The following TMEM165 variants were observed in gnomAD, a reference collection of about 807,000 sequenced individuals.
TMEM165 encodes the protein transmembrane protein 165, also known as putative divalent cation/proton antiporter TMEM165.
In TMEM165, 19 loss-of-function variants were observed where a neutral mutation model predicts 30.0. That is an observed-to-expected ratio of 0.63 (90% CI 0.44 to 0.93). The LOEUF is 0.93. Among genes scored for constraint, TMEM165 ranks in the 40% least tolerant of loss-of-function variants. The pLI is 0.00. For synonymous variants in TMEM165, 168 were observed against 162.9 expected (o/e 1.03, Z -0.24); for missense variants, 340 against 417.0 (o/e 0.82, Z 1.61).
chr4:55,396,464 T>G, intron 1 of TMEM165, 68 bp downstream of exon 1: 1 of 1,278,352 alleles, frequency 7.8e-7, no homozygotes, highest in East Asian at 3.2e-5. Flanking sequence ...GCTCCAGGCC[T>G]TTGAAAGCGC....
At chr4:55,406,669 CTTTGT>C (rs1721280322) in intron 1 of TMEM165, among the ~76,000 whole-genome samples, 1 of 151,926 alleles carries the variant, frequency 6.6e-6, no homozygotes, top group African/African-American at 2.4e-5. Flanking sequence ...TTTTCTTTCT[CTTTGT>C]TTTGAGACAG....
chr4:55,404,045 C>CTTT (rs201972116), intron 1 of TMEM165, among the ~76,000 whole-genome samples: 4 of 121,940 alleles, frequency 3.3e-5, no homozygotes, highest in African/African-American at 1.1e-4. Flanking sequence ...TCTTTCTTTC[C>CTTT]TTTTTTTTTT....
chr4:55,449,311 C>T (rs1724219213), intron 3 of TMEM165: 1 of 1,236,190 alleles, frequency 8.1e-7, no homozygotes, highest in African/African-American at 1.5e-5. Context: ...AGAGGGGTGA[C>T]AAATAGATGA....
rs531981647 is a variant in TMEM165 at position 55,417,747 on chromosome 4, G to A, written c.610-56G>A. 8.9e-6 allele frequency: 12 copies of A among 1,350,588 alleles called. 1 individual carries two copies. The South Asian group carries it at 1.4e-4, about 16-fold the overall frequency. The allele number at this position is 1,350,588 out of a possible 1,614,324, so 83.7% of individuals were successfully genotyped here. A position where few individuals can be genotyped will look rare whatever the true frequency, so the allele number is the denominator to read the frequency against. On this transcript the variant is annotated intron_variant, in intron 3 of 5. Coordinates refer to ENST00000381334, the MANE Select transcript of TMEM165 (RefSeq NM_018475.5). ...CACTTAGAAAAGTCAAGTGATTTGT[G>A]TGCTATTTTGATTTGCTTCCTGTGC...
chr4:55,412,839 T>A (rs997647867), intron 2 of TMEM165: 2 of 152,124 alleles, frequency 1.3e-5, no homozygotes, highest in Non-Finnish European at 2.9e-5. Flanking sequence ...TCCTAGTAAA[T>A]CTCTTAAGTG....
intron 1 of TMEM165, among the ~76,000 whole-genome samples, chr4:55,397,913 T>TA (rs1219549754): frequency 7.0e-5 from 2 of 28,572 alleles, no homozygotes; most frequent in African/African-American, 6.3e-5. Flanking sequence ...TTTGTTTATT[T>TA]TTTTTTTTTT....
chr4:55,435,417 A>G, intron 3 of TMEM165: 1 of 1,613,878 alleles, frequency 6.2e-7, no homozygotes, highest in East Asian at 2.2e-5. Flanking sequence ...CACGTGTGCT[A>G]CTGTGGTTGA....
At chr4:55,424,450 A>ACCATTT in intron 4 of TMEM165, 88 bp from the exon 5 acceptor site, 1 of 772,930 alleles carries the variant, frequency 1.3e-6, no homozygotes, top group Non-Finnish European at 2.2e-6. Flanking sequence ...ATTGTTGGCC[A>ACCATTT]CCATTTTTAG....
chr4:55,417,638 G>C (rs1023422942), intron 3 of TMEM165, 165 bp from the exon 4 acceptor site: 1 of 618,362 alleles, frequency 1.6e-6, no homozygotes, highest in African/African-American at 1.9e-5. Context: ...AGCATTTGTT[G>C]CTGTGTGAGA....
intron 3 of TMEM165, 80 bp downstream of exon 3, chr4:55,417,327 C>T: frequency 7.1e-7 from 1 of 1,409,938 alleles, no homozygotes. Context: ...CTCAGTGGCC[C>T]CATCTGTGTG....
chr4:55,417,832 G>A lies in TMEM165; in HGVS notation c.639G>A (p.Pro213=), dbSNP rs749702494. The stretch of plus-strand genomic sequence containing the variant: ...AACGAACCAAACTTTTAAATGGACC[G>A]GGAGATGTTGAAACGGGTACAAGCA... ...EFQRTKLLNG[P]GDVETGTSIT... Residue 213 remains proline, a synonymous_variant, in exon 4 of 6, where the codon CCG becomes CCA. Transcript: ENST00000381334. The A allele has an allele frequency of 1.9e-5, 31 of 1,610,598 alleles. No homozygotes were observed. Among genetic ancestry groups the A allele is most frequent in the Admixed American group, 1.9e-4 (11 of 59,310 alleles).
intron 1 of TMEM165, among the ~76,000 whole-genome samples, chr4:55,400,244 T>TATTATAATA (rs56821240): frequency 0.73 from 68,041 of 93,172 alleles, 23,680 homozygotes; most frequent in East Asian, 0.96. Flanking sequence ...ATGTAATTAA[T>TATTATAATA]ATTATATTAT....
intron 4 of TMEM165, among the ~76,000 whole-genome samples, chr4:55,422,023 C>T (rs370223221): frequency 3.6e-4 from 55 of 152,184 alleles, no homozygotes; most frequent in African/African-American, 1.3e-3. Context: ...GCTCTGTTCT[C>T]CTTGCATACT....
intron 1 of TMEM165, among the ~76,000 whole-genome samples, chr4:55,402,403 G>GTGTGTGTATA (rs1334888892): frequency 9.1e-4 from 44 of 48,142 alleles, no homozygotes; most frequent in Admixed American, 1.7e-3. Context: ...GTGTGTGTGT[G>GTGTGTGTATA]TATATATATA....
intron 1 of TMEM165, among the ~76,000 whole-genome samples, chr4:55,400,305 TATA>T (rs1158044611): frequency 9.6e-6 from 1 of 104,434 alleles, no homozygotes; most frequent in African/African-American, 3.8e-5. Context: ...TAATATTATA[TATA>T]ATATTAATAC....
At chr4:55,429,866 A>G (rs981983108), downstream of TMEM165, 15 of 152,356 alleles carry the variant, frequency 9.8e-5, no homozygotes, top group African/African-American at 3.1e-4. Flanking sequence ...GTGCAGGGGC[A>G]TCTGGAGTTG....
At chr4:55,403,884 G>T (rs1219294384) in intron 1 of TMEM165, among the ~76,000 whole-genome samples, 1 of 151,852 alleles carries the variant, frequency 6.6e-6, no homozygotes, top group Admixed American at 6.6e-5. Context: ...CTCCCTCAGT[G>T]CCTTTATTCT....
At chr4:55,439,566 A>C (rs1265002371) in intron 3 of TMEM165, among the ~76,000 whole-genome samples, 1 of 152,184 alleles carries the variant, frequency 6.6e-6, no homozygotes, top group East Asian at 1.9e-4. Context: ...TACACCCATA[A>C]TCATAAGCAG....
At chr4:55,442,500 T>C (rs770771096) in intron 3 of TMEM165, 1 of 1,608,464 alleles carries the variant, frequency 6.2e-7, no homozygotes, top group South Asian at 1.1e-5. Context: ...GCATACTAGA[T>C]GGAATCTGGA....
Sources: allele counts gnomAD v4.1 joint callset (sites outside exome capture counted in the v4.1 genomes callset), GRCh38; gene constraint gnomAD v4.1.1; transcripts MANE v1.5; gene names NCBI Gene and HGNC (gene_info 2026-07-23, HGNC 2026-07-21).